Variants in KHDRBS2 observed in about 807,000 individuals in gnomAD.
KHDRBS2 encodes the protein KH RNA binding domain containing, signal transduction associated 2, also known as KH domain-containing, RNA-binding, signal transduction-associated protein 2.
KHDRBS2 carries 26 observed loss-of-function variants against 44.3 expected under a neutral mutation model. The observed-to-expected ratio is 0.59, with a 90% confidence interval of 0.43 to 0.81. The LOEUF (loss-of-function observed/expected upper bound fraction) is 0.81, where lower values mean the gene tolerates loss of function less well. Ranked by LOEUF, KHDRBS2 falls within the 40% of genes least tolerant of loss-of-function variation. The probability of loss-of-function intolerance (pLI) is 0.00; values close to 1 mark genes in which losing one functional copy is unlikely to be tolerated. For missense variants in KHDRBS2, 476 were observed against 433.1 expected (o/e 1.10, Z -0.88); for synonymous variants, 194 against 151.1 (o/e 1.28, Z -2.08).
chr6:62,276,980 A>G (rs950106133), intron 1 of KHDRBS2, among the ~76,000 whole-genome samples: 7 of 152,170 alleles, frequency 4.6e-5, no homozygotes, highest in Non-Finnish European at 1.0e-4. Context: ...TAACTACACA[A>G]TAAGGTTGGT....
At chr6:61,863,186 T>C (rs762613108) in intron 6 of KHDRBS2, among the ~76,000 whole-genome samples, 22 of 152,010 alleles carry the variant, frequency 1.4e-4, no homozygotes, top group Non-Finnish European at 2.6e-4. Context: ...TTCTTCTTTA[T>C]TAGTCCAGCT....
intron 1 of KHDRBS2, among the ~76,000 whole-genome samples, chr6:62,205,295 A>C (rs532968555): frequency 6.6e-6 from 1 of 152,132 alleles, no homozygotes; most frequent in African/African-American, 2.4e-5. Flanking sequence ...GTGGCAGGCT[A>C]ACTTGTTAGT....
At chr6:61,581,621 C>T in the KHDRBS2 span, among the ~76,000 whole-genome samples, 1 of 147,520 alleles carries the variant, frequency 6.8e-6, no homozygotes, top group Admixed American at 6.8e-5. Flanking sequence ...ATATAATATA[C>T]AATATACATT....
At chr6:61,994,364 A>G (rs552208203) in intron 3 of KHDRBS2, among the ~76,000 whole-genome samples, 2 of 152,344 alleles carry the variant, frequency 1.3e-5, no homozygotes, top group African/African-American at 2.4e-5. Context: ...CCTTTATTCC[A>G]GACTCAGACT....
the KHDRBS2 span, among the ~76,000 whole-genome samples, chr6:61,612,896 A>G: frequency 5.5e-4 from 64 of 117,382 alleles, no homozygotes; most frequent in East Asian, 0.017. Flanking sequence ...TCTGTCGCCC[A>G]GGCTGGAGTG....
chr6:62,046,722 A>T (rs571458344), intron 3 of KHDRBS2, among the ~76,000 whole-genome samples: 52 of 152,000 alleles, frequency 3.4e-4, no homozygotes, highest in African/African-American at 1.3e-3. Flanking sequence ...CACCTCTTAA[A>T]TATTTGTAAT....
chr6:61,810,849 G>A (rs967638788), intron 6 of KHDRBS2, among the ~76,000 whole-genome samples: 10 of 152,032 alleles, frequency 6.6e-5, no homozygotes, highest in African/African-American at 2.4e-4. Context: ...ACAAAGGAAA[G>A]GGAGATTTAG....
At chr6:61,786,932 A>G (rs967058877) in intron 6 of KHDRBS2, among the ~76,000 whole-genome samples, 1 of 151,562 alleles carries the variant, frequency 6.6e-6, no homozygotes, top group Non-Finnish European at 1.5e-5. Context: ...AATCCCAATA[A>G]CAATTTAAAA....
intron 6 of KHDRBS2, among the ~76,000 whole-genome samples, chr6:61,812,247 T>G (rs1463765431): frequency 6.6e-6 from 1 of 151,952 alleles, no homozygotes; most frequent in Non-Finnish European, 1.5e-5. Context: ...ATAACCCATG[T>G]GATTTTGCAT....
chr6:61,854,485 C>T (rs1319564978), intron 6 of KHDRBS2, among the ~76,000 whole-genome samples: 1 of 151,978 alleles, frequency 6.6e-6, no homozygotes, highest in East Asian at 1.9e-4. Context: ...GGCATGATAC[C>T]TTAGTACTCT....
chr6:62,116,352 C>A (rs1394641621), intron 2 of KHDRBS2, among the ~76,000 whole-genome samples: 1 of 152,098 alleles, frequency 6.6e-6, no homozygotes, highest in East Asian at 1.9e-4. Context: ...TCATTTCCAA[C>A]ATCCCCCAGC....
At chr6:62,025,995 T>G (rs1783239608) in intron 3 of KHDRBS2, among the ~76,000 whole-genome samples, 1 of 152,122 alleles carries the variant, frequency 6.6e-6, no homozygotes, top group East Asian at 1.9e-4. Flanking sequence ...TTCAATGAAT[T>G]TATTAATTCA....
intron 6 of KHDRBS2, among the ~76,000 whole-genome samples, chr6:61,773,551 TC>T (rs1781377290): frequency 6.6e-6 from 1 of 150,904 alleles, no homozygotes; most frequent in Admixed American, 6.6e-5. Context: ...TAGCCCTTTG[TC>T]AGAAGAGTAG....
At chr6:62,037,060 A>T (rs1484781576) in intron 3 of KHDRBS2, among the ~76,000 whole-genome samples, 21 of 151,892 alleles carry the variant, frequency 1.4e-4, no homozygotes. Flanking sequence ...AACAAAGCAT[A>T]CTCTTGCCTT....
At chr6:62,085,878 G>T (rs1351778443) in intron 2 of KHDRBS2, among the ~76,000 whole-genome samples, 3 of 152,066 alleles carry the variant, frequency 2.0e-5, no homozygotes, top group Admixed American at 6.6e-5. Context: ...ATAAAGTTAG[G>T]GTTAAGATTG....
intron 2 of KHDRBS2, among the ~76,000 whole-genome samples, chr6:62,132,224 A>G (rs1810494101): frequency 6.6e-6 from 1 of 152,166 alleles, no homozygotes; most frequent in South Asian, 2.1e-4. Context: ...TTTAAACCTT[A>G]TTTTGCTTAA....
intron 1 of KHDRBS2, among the ~76,000 whole-genome samples, chr6:62,261,029 T>C (rs954830636): frequency 6.6e-6 from 1 of 151,938 alleles, no homozygotes; most frequent in Admixed American, 6.6e-5. Context: ...GCAATATATT[T>C]CTTTTAGACT....
At chr6:61,894,557 A>G in intron 6 of KHDRBS2, 78 bp downstream of exon 6, 1 of 1,156,568 alleles carries the variant, frequency 8.6e-7, no homozygotes. Context: ...TATTCACGGT[A>G]TATGAACAGT....
rs572718105 is a variant in KHDRBS2 at position 61,705,176 on chromosome 6, T to C, written c.894-7923A>G. On this transcript the variant is annotated intron_variant, in intron 7 of 8. Coordinates refer to ENST00000281156, the MANE Select transcript of KHDRBS2 (RefSeq NM_152688.4). The stretch of plus-strand genomic sequence containing the variant: ...AATTCTCTTTTTGCCAAAATTTTAA[T>C]AACATCTGCAGTGAAAGAGAACCTA... Among the ~76,000 whole-genome samples the C allele has an allele frequency of 2.0e-3, 301 of 151,946 alleles. 2 individuals are homozygous for C. Among genetic ancestry groups the C allele is most frequent in the Middle Eastern group, 0.014 (4 of 294 alleles).
Sources: gnomAD v4.1 joint callset for allele counts (sites outside exome capture counted in the v4.1 genomes callset) on GRCh38, gnomAD v4.1.1 for gene constraint, MANE v1.5 for transcripts, NCBI Gene and HGNC (gene_info 2026-07-23, HGNC 2026-07-21) for gene names.